The following NECAB1 variants were observed in gnomAD, a reference collection of about 807,000 sequenced individuals.
NECAB1 encodes N-terminal EF-hand calcium-binding protein 1.
NECAB1 carries 29 observed loss-of-function variants against 57.5 expected under a neutral mutation model. That is an observed-to-expected ratio of 0.50 (90% CI 0.38 to 0.69). The LOEUF (loss-of-function observed/expected upper bound fraction) is 0.69, where lower values mean the gene tolerates loss of function less well. Ranked by LOEUF, NECAB1 falls within the 30% of genes least tolerant of loss-of-function variation. The pLI is 0.00. For synonymous variants in NECAB1, 142 were observed against 147.7 expected, an observed-to-expected ratio of 0.96 and a Z score of 0.28; for missense variants, 372 against 413.8, an observed-to-expected ratio of 0.90 and a Z score of 0.88.
chr8:90,868,771 T>C (rs958036309), intron 3 of NECAB1, among the ~76,000 whole-genome samples: 5 of 152,222 alleles, frequency 3.3e-5, no homozygotes, highest in African/African-American at 1.2e-4. Context: ...AGCCCATCCA[T>C]GTGGTAGAAA....
At chr8:90,942,797 G>A (rs868291413) in intron 10 of NECAB1, among the ~76,000 whole-genome samples, 8 of 152,098 alleles carry the variant, frequency 5.3e-5, no homozygotes, top group Admixed American at 1.3e-4. Context: ...CAGGAGAATC[G>A]CTTGAACCCC....
intron 3 of NECAB1, among the ~76,000 whole-genome samples, chr8:90,846,815 T>C (rs1812569133): frequency 6.6e-6 from 1 of 152,124 alleles, no homozygotes; most frequent in Non-Finnish European, 1.5e-5. Context: ...CTATTCAGTA[T>C]CATGAGAACA....
chr8:90,811,172 C>T (rs984676917), intron 2 of NECAB1, among the ~76,000 whole-genome samples: 6 of 152,034 alleles, frequency 3.9e-5, no homozygotes, highest in Admixed American at 2.6e-4. Flanking sequence ...AGGATGGTCT[C>T]GATCTCCTGA....
Position 90,824,790 on chromosome 8 carries a change from C to A in NECAB1, c.198C>A (p.His66Gln). Residue 66 changes from histidine (H) to glutamine (Q), a missense_variant, in exon 3 of 13, where the codon CAC becomes CAA. His to Gln is a conservative substitution (Grantham distance 24). Coordinates refer to ENST00000417640, the MANE Select transcript of NECAB1 (RefSeq NM_022351.5). Reference protein sequence around the residue: ...ADGVLSGEELHELFHTIDTHN... With the variant: ...ADGVLSGEELQELFHTIDTHN... Reference sequence around the variant, plus strand: ...GTGTTCTCAGTGGAGAAGAATTACACGAGCTTTTCCATACCATTGATACAC... The same window carrying A: ...GTGTTCTCAGTGGAGAAGAATTACAAGAGCTTTTCCATACCATTGATACAC... The A allele has an allele frequency of 1.3e-6, 2 of 1,549,092 alleles. No individual in the cohort carries two copies. The highest frequency in any genetic ancestry group is 3.9e-5 in the Admixed American group (2 of 51,658).
At chr8:90,942,373 T>C (rs1229647329) in intron 10 of NECAB1, among the ~76,000 whole-genome samples, 1 of 152,214 alleles carries the variant, frequency 6.6e-6, no homozygotes, top group African/African-American at 2.4e-5. Flanking sequence ...ACTTCCTCAG[T>C]GCCACTAACA....
At chr8:90,852,356 C>T (rs544401330) in intron 3 of NECAB1, among the ~76,000 whole-genome samples, 3 of 152,204 alleles carry the variant, frequency 2.0e-5, no homozygotes, top group Admixed American at 6.5e-5. Flanking sequence ...CACACCAGGA[C>T]ATCATAGCTT....
At chr8:90,852,000 T>A (rs10956785) in intron 3 of NECAB1, among the ~76,000 whole-genome samples, 1 of 151,740 alleles carries the variant, frequency 6.6e-6, no homozygotes, top group Admixed American at 6.6e-5. Context: ...CAGGCTCCAA[T>A]GTCACCTTCA....
chr8:90,929,634 A>AG (rs1810358713), intron 8 of NECAB1, among the ~76,000 whole-genome samples: 1 of 152,160 alleles, frequency 6.6e-6, no homozygotes, highest in Non-Finnish European at 1.5e-5. Context: ...TGGATAGGGG[A>AG]GGGGGAAAAG....
intron 2 of NECAB1, among the ~76,000 whole-genome samples, chr8:90,808,541 A>C (rs1277013053): frequency 6.6e-6 from 1 of 151,890 alleles, no homozygotes; most frequent in Non-Finnish European, 1.5e-5. Flanking sequence ...AATTAAATAG[A>C]TCATACACAG....
rs150962028 is a variant in NECAB1 at position 90,807,945 on chromosome 8, G to A, written c.124+6230G>A. Among the ~76,000 whole-genome samples, 11 of 152,300 alleles carry A rather than the reference G, an allele frequency of 7.2e-5. No homozygotes were observed. The East Asian group carries it at 1.9e-3, about 27-fold the overall frequency. On this transcript the variant is annotated intron_variant, in intron 2 of 12. Coordinates refer to ENST00000417640, the MANE Select transcript of NECAB1 (RefSeq NM_022351.5). ...TGCAAAATATGTGGGAGAAACCCAT[G>A]AGTGCAAGTTCTGAATGTAATGATT... is the stretch of plus-strand genomic sequence containing the variant.
chr8:90,873,409 T>C (rs554629726), intron 4 of NECAB1, among the ~76,000 whole-genome samples: 3 of 152,330 alleles, frequency 2.0e-5, no homozygotes, highest in South Asian at 2.1e-4. Flanking sequence ...ATATGGACCA[T>C]TGCCGTGAGG....
chr8:90,908,426 C>T (rs1028682637), intron 5 of NECAB1, among the ~76,000 whole-genome samples: 1 of 152,036 alleles, frequency 6.6e-6, no homozygotes, highest in African/African-American at 2.4e-5. Context: ...CTACGTTACA[C>T]TCCAGAAAAA....
intron 3 of NECAB1, among the ~76,000 whole-genome samples, chr8:90,855,884 C>T (rs955816797): frequency 3.3e-5 from 5 of 152,104 alleles, no homozygotes; most frequent in Non-Finnish European, 7.4e-5. Flanking sequence ...TAGAAAGGCA[C>T]ATTGGTAGGG....
rs1038856255 is a variant in NECAB1 at position 90,959,177 on chromosome 8, G to A, written c.*3665G>A. Reference sequence around the variant, plus strand: ...AGAAACTATTAAAGTAACTAGAACTGTCAAATAACAAAACGGCTCATGTTT... The same window carrying A: ...AGAAACTATTAAAGTAACTAGAACTATCAAATAACAAAACGGCTCATGTTT... On this transcript the variant is annotated 3_prime_UTR_variant, in exon 13 of 13. Transcript: ENST00000417640. 12 of 417,436 alleles carry A rather than the reference G, an allele frequency of 2.9e-5. No individual in the cohort carries two copies. Among genetic ancestry groups the A allele is most frequent in the Non-Finnish European group, 4.2e-5 (10 of 236,686 alleles). 25.9% of individuals were successfully genotyped at this position (417,436 alleles called of 1,614,324 possible). A position where few individuals can be genotyped will look rare whatever the true frequency, so the allele number is the denominator to read the frequency against.
In NECAB1 at chr8:90,940,873, G is replaced by T; in HGVS notation, c.835G>T (p.Ala279Ser). 6.4e-7 allele frequency: 1 copy of T among 1,560,188 alleles called. No homozygotes were observed. The highest frequency in any genetic ancestry group is 2.4e-5 in the East Asian group (1 of 41,624). ...CGCTCTGAAACACTACGTGGAGAGT[G>T]CTTCCTCCCAAAGTGGATGCTTGCG... Reference protein sequence around the residue: ...QLALKHYVESASSQSGCLRIS... With the variant: ...QLALKHYVESSSSQSGCLRIS... The change falls in exon 10 of 13, where the codon GCT becomes TCT. Residue 279 changes from alanine (A) to serine (S), a missense_variant. Physicochemically the swap from Ala to Ser is moderately conservative, Grantham distance 99. Coordinates refer to ENST00000417640, the MANE Select transcript of NECAB1 (RefSeq NM_022351.5).
rs567189845 is a variant in NECAB1 at position 90,911,075 on chromosome 8, A to AG, written c.358-6414dup. ...GCTCTGTTTTTATGTGAAGATTCCA[A>AG]GGGTTTTATAAACTATGCCACCAAC... On this transcript the variant is annotated intron_variant, in intron 5 of 12. Transcript: ENST00000417640. 3.9e-3 allele frequency among the ~76,000 whole-genome samples: 593 copies of AG among 152,244 alleles called. 3 individuals carry two copies. Among genetic ancestry groups the AG allele is most frequent in the Middle Eastern group, 0.01 (3 of 294 alleles).
intron 5 of NECAB1, among the ~76,000 whole-genome samples, chr8:90,915,157 C>A (rs550105470): frequency 1.3e-5 from 2 of 151,956 alleles, no homozygotes; most frequent in African/African-American, 4.8e-5. Context: ...TACTGAGATG[C>A]GAAAATAGTT....
chr8:90,817,560 A>G (rs1049030394), intron 2 of NECAB1, among the ~76,000 whole-genome samples: 7 of 151,518 alleles, frequency 4.6e-5, no homozygotes, highest in African/African-American at 1.7e-4. Context: ...TTTCTTCATC[A>G]GTTGATATAA....
At chr8:90,934,113 T>C (rs1038513558) in intron 8 of NECAB1, among the ~76,000 whole-genome samples, 191 bp from the exon 9 acceptor site, 2 of 152,168 alleles carry the variant, frequency 1.3e-5, no homozygotes, top group Admixed American at 6.5e-5. Flanking sequence ...CTTCTTACAA[T>C]TGATAAATAA....
Sources: allele counts gnomAD v4.1 joint callset (sites outside exome capture counted in the v4.1 genomes callset), GRCh38; gene constraint gnomAD v4.1.1; transcripts MANE v1.5; gene names NCBI Gene and HGNC (gene_info 2026-07-23, HGNC 2026-07-21).